The following CDK19 variants were observed in gnomAD, a reference collection of about 807,000 sequenced individuals.
CDK19 encodes cyclin dependent kinase 19, also known as cyclin-dependent kinase 19.
CDK19 carries 20 observed loss-of-function variants against 68.3 expected under a neutral mutation model. That is an observed-to-expected ratio of 0.29 (90% CI 0.21 to 0.43). The LOEUF is 0.43. Ranked by LOEUF, CDK19 falls within the 20% of genes least tolerant of loss-of-function variation. CDK19 has a pLI of 1.00. For synonymous variants in CDK19, 221 were observed against 222.8 expected, an observed-to-expected ratio of 0.99 and a Z score of 0.07; for missense variants, 339 against 623.5, an observed-to-expected ratio of 0.54 and a Z score of 4.86.
intron 4 of CDK19, among the ~76,000 whole-genome samples, chr6:110,666,931 A>G (rs1365808939): frequency 6.6e-6 from 1 of 152,176 alleles, no homozygotes; most frequent in Non-Finnish European, 1.5e-5. Context: ...AAAATCAAAC[A>G]CTAACTTGCA....
At chr6:110,715,429 T>C (rs985311118) in intron 2 of CDK19, among the ~76,000 whole-genome samples, 1 of 152,154 alleles carries the variant, frequency 6.6e-6, no homozygotes, top group Non-Finnish European at 1.5e-5. Flanking sequence ...AGAAAATGAG[T>C]CTTTAATGTC....
rs760606874 is a variant in CDK19 at position 110,815,380 on chromosome 6, A to AC, written c.-245dup. ...GACGGCGGCGGCGGCTCCCGCAGGC[A>AC]CCCCCAGTCCCGCCTCCCTCCTTCA... On this transcript the variant is annotated 5_prime_UTR_variant, in exon 1 of 13. It removes the in-frame stop codon of an upstream open reading frame in the 5' UTR. Transcript: ENST00000368911. The AC allele has an allele frequency of 5.1e-4, 188 of 367,752 alleles. 3 individuals are homozygous for AC. The South Asian group carries it at 8.9e-3, about 17-fold the overall frequency. The allele number at this position is 367,752 out of a possible 1,614,324, so 22.8% of individuals were successfully genotyped here.
chr6:110,656,685 A>T (rs1378444093), intron 4 of CDK19, among the ~76,000 whole-genome samples: 1 of 152,244 alleles, frequency 6.6e-6, no homozygotes, highest in East Asian at 1.9e-4. Context: ...CACTGCCAAC[A>T]GTTAACAATG....
chr6:110,624,734 G>A lies in CDK19; in HGVS notation c.861-1372C>T, dbSNP rs79087935. ...GTGGCTGCCTATCTCCTACTGGTAC[G>A]GGTATTACTTGTTTCATAATAGCTG... is the stretch of plus-strand genomic sequence containing the variant. On this transcript the variant is annotated intron_variant, in intron 8 of 12. Transcript: ENST00000368911. Among the ~76,000 whole-genome samples, 1,374 of 152,134 alleles carry A rather than the reference G, an allele frequency of 9.0e-3. 29 individuals carry two copies. The highest frequency in any genetic ancestry group is 0.031 in the African/African-American group (1,306 of 41,502).
chr6:110,721,403 C>G (rs1310325505), intron 2 of CDK19, among the ~76,000 whole-genome samples: 1 of 152,114 alleles, frequency 6.6e-6, no homozygotes, highest in Non-Finnish European at 1.5e-5. Context: ...GAGGACTTCA[C>G]CAAGGCCTCT....
In CDK19 at chr6:110,612,930, T is replaced by C. The variant is rs1778102075; in HGVS notation, c.*1605A>G. On this transcript the variant is annotated 3_prime_UTR_variant, in exon 13 of 13. Coordinates refer to ENST00000368911, the MANE Select transcript of CDK19 (RefSeq NM_015076.5). ...TCTGTCTAATCTTATTTTACTTGTG[T>C]ATGGACCCACAGTATCATAACCAGG... The C allele has an allele frequency of 6.5e-6, 1 of 152,672 alleles. No individual in the cohort carries two copies. The highest frequency in any genetic ancestry group is 1.5e-5 in the Non-Finnish European group (1 of 68,046). The allele number at this position is 152,672 out of a possible 1,614,324, so 9.5% of individuals were successfully genotyped here.
At chr6:110,754,082 T>A (rs1350881104) in intron 1 of CDK19, among the ~76,000 whole-genome samples, 1 of 151,024 alleles carries the variant, frequency 6.6e-6, no homozygotes. Flanking sequence ...CAGGTTGGAG[T>A]GCAGTGGTGT....
chr6:110,738,319 G>A (rs368122848), intron 2 of CDK19, among the ~76,000 whole-genome samples: 37 of 151,586 alleles, frequency 2.4e-4, no homozygotes, highest in African/African-American at 8.2e-4. Context: ...AGACCAGCCT[G>A]GCCAACACGG....
intron 1 of CDK19, among the ~76,000 whole-genome samples, chr6:110,784,158 C>CAAAA (rs1170140844): frequency 2.8e-4 from 17 of 61,460 alleles, no homozygotes; most frequent in African/African-American, 6.3e-4. Flanking sequence ...GACTTCGTCT[C>CAAAA]AAAAAAAAAA....
chr6:110,633,595 G>T (rs185181706), intron 5 of CDK19, among the ~76,000 whole-genome samples: 126 of 152,084 alleles, frequency 8.3e-4, no homozygotes, highest in African/African-American at 2.9e-3. Context: ...CTAATCAATT[G>T]AAATATTGGG....
chr6:110,626,533 A>G (rs1779098527), intron 8 of CDK19, among the ~76,000 whole-genome samples: 1 of 152,204 alleles, frequency 6.6e-6, no homozygotes, highest in Non-Finnish European at 1.5e-5. Flanking sequence ...AAAGAGTAAA[A>G]GAGGCATCAC....
At chr6:110,697,353 G>A (rs1364216704) in intron 2 of CDK19, among the ~76,000 whole-genome samples, 1 of 152,050 alleles carries the variant, frequency 6.6e-6, no homozygotes, top group Non-Finnish European at 1.5e-5. Context: ...ACCAAGCTGA[G>A]AATGAAAGCA....
intron 6 of CDK19, among the ~76,000 whole-genome samples, chr6:110,629,963 T>C (rs956113692): frequency 2.0e-5 from 3 of 152,220 alleles, no homozygotes; most frequent in African/African-American, 7.2e-5. Context: ...ATAAGAAGTA[T>C]AATTGGTTTT....
intron 2 of CDK19, among the ~76,000 whole-genome samples, chr6:110,735,788 T>G (rs2114824785): frequency 6.6e-6 from 1 of 152,206 alleles, no homozygotes; most frequent in Non-Finnish European, 1.5e-5. Context: ...TATGCAAGAG[T>G]AAGACTCTGC....
At chr6:110,792,769 CAAAA>C (rs933370886) in intron 1 of CDK19, among the ~76,000 whole-genome samples, 11 of 152,288 alleles carry the variant, frequency 7.2e-5, no homozygotes, top group Non-Finnish European at 1.5e-4. Context: ...TCCTCACTCT[CAAAA>C]AACTGACTAT....
intron 1 of CDK19, among the ~76,000 whole-genome samples, chr6:110,792,712 C>A (rs1214808117): frequency 2.6e-5 from 4 of 152,244 alleles, no homozygotes; most frequent in Admixed American, 2.6e-4. Context: ...CAATTCATTA[C>A]AGATGTGGAT....
chr6:110,648,542 T>TC (rs1370898517), intron 4 of CDK19, among the ~76,000 whole-genome samples: 31 of 143,704 alleles, frequency 2.2e-4, no homozygotes, highest in Middle Eastern at 3.7e-3. Flanking sequence ...TCTTTTCTTT[T>TC]TTTTTTTTTT....
At chr6:110,654,097 G>A (rs1781149194) in intron 4 of CDK19, among the ~76,000 whole-genome samples, 1 of 152,152 alleles carries the variant, frequency 6.6e-6, no homozygotes, top group Admixed American at 6.5e-5. Context: ...AATGAACAGT[G>A]CCGGCTTGAT....
At chr6:110,640,367 G>A (rs957723680) in intron 4 of CDK19, among the ~76,000 whole-genome samples, 1 of 152,048 alleles carries the variant, frequency 6.6e-6, no homozygotes, top group African/African-American at 2.4e-5. Context: ...GTTTACAGGA[G>A]AGGATGAGGG....
Sources: gnomAD v4.1 joint callset for allele counts (sites outside exome capture counted in the v4.1 genomes callset) on GRCh38, gnomAD v4.1.1 for gene constraint, MANE v1.5 for transcripts, NCBI Gene and HGNC (gene_info 2026-07-23, HGNC 2026-07-21) for gene names.